KIAA0586: variants seen among roughly 807,000 people sequenced by gnomAD.
KIAA0586 encodes protein TALPID3.
KIAA0586 carries 144 observed loss-of-function variants against 169.8 expected under a neutral mutation model. The ratio of observed to expected loss-of-function variants is 0.85; its 90% CI spans 0.74 to 0.97. The LOEUF is 0.97. KIAA0586 is among the 50% of genes least tolerant of loss of function. KIAA0586 has a pLI of 0.00. For missense variants in KIAA0586, 1,854 were observed against 1,823.0 expected (o/e 1.02, Z -0.31); for synonymous variants, 625 against 612.4 (o/e 1.02, Z -0.30).
chr14:58,547,145 T>G (rs899287118), intron 30 of KIAA0586, among the ~76,000 whole-genome samples: 12 of 134,680 alleles, frequency 8.9e-5, no homozygotes, highest in African/African-American at 3.3e-4. Context: ...GGCTGATATC[T>G]TACCTCTTTT....
At chr14:58,478,111 C>T (rs749996288) in intron 20 of KIAA0586, among the ~76,000 whole-genome samples, 1 of 152,140 alleles carries the variant, frequency 6.6e-6, no homozygotes, top group Non-Finnish European at 1.5e-5. Context: ...CCTCTAACTC[C>T]CGGGCTCAAG....
rs1595266531 is a variant in KIAA0586 at position 58,474,554 on chromosome 14, G to T, written c.2635-53G>T. Reference sequence around the variant, plus strand: ...GTTCCTTGCCTATAGTTGGTACTCAGTAAATGTTGAACAAATACATGAATA... The same window carrying T: ...GTTCCTTGCCTATAGTTGGTACTCATTAAATGTTGAACAAATACATGAATA... On this transcript the variant is annotated intron_variant, in intron 18 of 30. Coordinates refer to ENST00000652326, the MANE Select transcript of KIAA0586 (RefSeq NM_001329943.3). 12 of 1,299,364 alleles carry T rather than the reference G, an allele frequency of 9.2e-6. No homozygotes were observed. In the South Asian group the frequency reaches 1.9e-4, roughly 20 times the overall value. 80.5% of individuals were successfully genotyped at this position (1,299,364 alleles called of 1,614,324 possible).
In KIAA0586 at chr14:58,540,122, C is replaced by T; in HGVS notation, c.4481C>T (p.Thr1494Ile). Residue 1494 changes from threonine (T) to isoleucine (I), a missense_variant, in exon 30 of 31, where the codon ACA (threonine) becomes ATA (isoleucine). Physicochemically the swap from Thr to Ile is moderately conservative, Grantham distance 89. Coordinates refer to ENST00000652326, the MANE Select transcript of KIAA0586 (RefSeq NM_001329943.3). ...RTQIELNPYL[T>I]CVFSGGKAVP... The stretch of plus-strand genomic sequence containing the variant: ...CAAATTGAGCTTAATCCGTACCTCA[C>T]ATGTGTATTTTCAGGTAAGATTTTT... 6.4e-7 allele frequency: 1 copy of T among 1,551,924 alleles called. No homozygotes were observed. Among genetic ancestry groups the T allele is most frequent in the Non-Finnish European group, 8.8e-7 (1 of 1,142,208 alleles).
At chr14:58,551,825 G>A (rs1317318584), downstream of KIAA0586, among the ~76,000 whole-genome samples, 1 of 152,044 alleles carries the variant, frequency 6.6e-6, no homozygotes, top group Non-Finnish European at 1.5e-5. Context: ...ATGTCCTGAT[G>A]CTGTGGTATT....
chr14:58,501,064 C>G (rs563714531), intron 27 of KIAA0586, among the ~76,000 whole-genome samples: 2 of 152,186 alleles, frequency 1.3e-5, no homozygotes, highest in Non-Finnish European at 2.9e-5. Flanking sequence ...AAATGAGGAT[C>G]TGCTATATTC....
chr14:58,432,594 T>C, intron 4 of KIAA0586, 137 bp downstream of exon 4: 3 of 524,744 alleles, frequency 5.7e-6, no homozygotes, highest in Non-Finnish European at 1.0e-5. Flanking sequence ...CTCATGGTGC[T>C]AGACACGTAT....
chr14:58,443,644 C>T (rs1266349610), intron 5 of KIAA0586, among the ~76,000 whole-genome samples: 3 of 152,080 alleles, frequency 2.0e-5, no homozygotes, highest in Non-Finnish European at 4.4e-5. Context: ...AGGATGGTCT[C>T]GATCTCCTGA....
rs371981025 is a variant in KIAA0586 at position 58,496,908 on chromosome 14, C to A, written c.3991-1875C>A. Among the ~76,000 whole-genome samples the A allele has an allele frequency of 2.6e-5, 4 of 151,712 alleles. 1 individual carries two copies. ...GATTAGGATATATAATTTTTTAATA[C>A]AGAAAGAAAATAGGAGTCTTATATT... On this transcript the variant is annotated intron_variant, in intron 26 of 30. Transcript: ENST00000652326.
rs1261333772 is a variant in KIAA0586 at position 58,474,691 on chromosome 14, A to G, written c.2719A>G (p.Asn907Asp). 9.9e-6 allele frequency: 16 copies of G among 1,613,302 alleles called. No homozygotes were observed. Among genetic ancestry groups the G allele is most frequent in the Non-Finnish European group, 1.4e-5 (16 of 1,179,472 alleles). ...TGTTAAAGCTGATTCTACAAAATAT[A>G]ATGGTCCTCCATTTCCGCCAGTTGC... is the stretch of plus-strand genomic sequence containing the variant. ...RSVKADSTKY[N>D]GPPFPPVAST... Residue 907 changes from asparagine to aspartate, a missense_variant, in exon 19 of 31, where the codon AAT becomes GAT. Coordinates refer to ENST00000652326, the MANE Select transcript of KIAA0586 (RefSeq NM_001329943.3).
chr14:58,467,833 C>T lies in KIAA0586; in HGVS notation c.2353C>T (p.Arg785Ter), dbSNP rs1064793157. ...GACTACTTCTATTCCTCCATCATCT[C>T]GAAAAGTAGAAACTGGAGTAAAGAA... The part of the protein sequence containing the change: ...TVTTSIPPSS[R>*]KVETGVKKPN... Residue 785 changes from arginine (R) to a stop codon, truncating the protein, a stop_gained, in exon 16 of 31, where the codon CGA becomes TGA. Coordinates refer to ENST00000652326, the MANE Select transcript of KIAA0586 (RefSeq NM_001329943.3). LOFTEE classifies it high-confidence loss of function. 29 of 1,613,096 alleles carry T rather than the reference C, an allele frequency of 1.8e-5. No homozygotes were observed. The highest frequency in any genetic ancestry group is 3.3e-5 in the Admixed American group (2 of 59,958).
At position 58,547,835 on chromosome 14, in the gene KIAA0586, T is replaced by C; in HGVS notation, c.4550T>C (p.Val1517Ala). 6.2e-7 allele frequency: 1 copy of C among 1,613,784 alleles called. No homozygotes were observed. Among genetic ancestry groups the C allele is most frequent in the Non-Finnish European group, 8.5e-7 (1 of 1,179,724 alleles). The change falls in exon 31 of 31, where the codon GTG becomes GCG. Residue 1517 changes from valine to alanine, a missense_variant. By Grantham distance (64) the Val-to-Ala change is moderately conservative. Coordinates refer to ENST00000652326, the MANE Select transcript of KIAA0586 (RefSeq NM_001329943.3). ...ASQMPPAKMS[V>A]MLPSVNLEDC... ...CAGATGCCCCCTGCCAAGATGTCAGTGATGCTGCCGTCAGTGAACCTCGAG... is the reference window on the plus strand; with the variant it reads ...CAGATGCCCCCTGCCAAGATGTCAGCGATGCTGCCGTCAGTGAACCTCGAG...
At chr14:58,456,112 A>T (rs768011341) in intron 9 of KIAA0586, among the ~76,000 whole-genome samples, 35 of 152,170 alleles carry the variant, frequency 2.3e-4, no homozygotes, top group Admixed American at 9.2e-4. Flanking sequence ...AACACTATGA[A>T]TGAGACTTTT....
intron 28 of KIAA0586, among the ~76,000 whole-genome samples, chr14:58,511,028 A>G (rs1021529129): frequency 1.1e-4 from 16 of 152,120 alleles, no homozygotes; most frequent in Admixed American, 9.2e-4. Flanking sequence ...AGATTGATGG[A>G]TATGTTTATT....
At chr14:58,553,592 T>G (rs1477741401), downstream of KIAA0586, among the ~76,000 whole-genome samples, 3 of 151,896 alleles carry the variant, frequency 2.0e-5, no homozygotes, top group African/African-American at 7.3e-5. Context: ...GCTGTCTGCT[T>G]GACCTGAAGA....
chr14:58,488,648 A>G lies in KIAA0586; in HGVS notation c.3555A>G (p.Glu1185=), dbSNP rs780038095. The G allele has an allele frequency of 2.7e-5, 43 of 1,613,802 alleles. No homozygotes were observed. In the Admixed American group the frequency reaches 5.7e-4, roughly 21 times the overall value. Residue 1185 remains glutamate (E), a synonymous_variant, in exon 24 of 31, where the codon GAA becomes GAG. Transcript: ENST00000652326. ...TAATGTCTGTGGCTAAGGATGAAGA[A>G]CCAGAGAGTATGGATTTCCCTGCTC... ...AIVMSVAKDE[E]PESMDFPAQP... is the part of the protein sequence containing the mutation.
At chr14:58,504,256 A>T (rs1175546595) in intron 27 of KIAA0586, among the ~76,000 whole-genome samples, 1 of 152,224 alleles carries the variant, frequency 6.6e-6, no homozygotes, top group Non-Finnish European at 1.5e-5. Context: ...ATATATAAAA[A>T]GGGAGATTTG....
Position 58,488,792 on chromosome 14 carries a change from T to C in KIAA0586, c.3699T>C (p.Thr1233=). Residue 1233 remains threonine (T), a synonymous_variant, in exon 24 of 31, where the codon ACT becomes ACC. Coordinates refer to ENST00000652326, the MANE Select transcript of KIAA0586 (RefSeq NM_001329943.3). ...CACTGGAGAGCACATTGAGTGTTAC[T>C]GTCACTGAAACTGAAACTTTAGATA... ...SSTLESTLSV[T]VTETETLDKP... is the part of the protein sequence containing the mutation. 6.2e-7 allele frequency: 1 copy of C among 1,613,922 alleles called. No individual in the cohort carries two copies. The highest frequency in any genetic ancestry group is 8.5e-7 in the Non-Finnish European group (1 of 1,179,832).
chr14:58,506,276 T>C (rs1173254291), intron 27 of KIAA0586, among the ~76,000 whole-genome samples: 3 of 152,194 alleles, frequency 2.0e-5, no homozygotes, highest in African/African-American at 4.8e-5. Flanking sequence ...AAATTATAAG[T>C]ATTATTACCA....
intron 27 of KIAA0586, among the ~76,000 whole-genome samples, chr14:58,505,746 C>A (rs977352830): frequency 6.6e-6 from 1 of 151,954 alleles, no homozygotes; most frequent in African/African-American, 2.4e-5. Context: ...CTATAAAGTT[C>A]TTTTCCCATC....
Sources: allele counts gnomAD v4.1 joint callset (sites outside exome capture counted in the v4.1 genomes callset), GRCh38; gene constraint gnomAD v4.1.1; transcripts MANE v1.5; gene names NCBI Gene and HGNC (gene_info 2026-07-23, HGNC 2026-07-21).